BICC1: variants seen among roughly 807,000 people sequenced by gnomAD.
BICC1 encodes the protein protein bicaudal C homolog 1.
Under a neutral mutation model 111.0 loss-of-function variants are expected in BICC1, and 43 were observed. The ratio of observed to expected loss-of-function variants is 0.39; its 90% CI spans 0.30 to 0.50. The LOEUF (loss-of-function observed/expected upper bound fraction) is 0.50. BICC1 is among the 20% of genes least tolerant of loss of function. The pLI is 0.88. For missense variants in BICC1, 1,091 were observed against 1,203.2 expected (o/e 0.91, Z 1.38); for synonymous variants, 467 against 434.4 (o/e 1.07, Z -0.93).
Position 58,713,288 on chromosome 10 carries a change from T to A in BICC1, c.307+11145T>A, listed in dbSNP as rs975363933. 7.2e-5 allele frequency among the ~76,000 whole-genome samples: 11 copies of A among 152,330 alleles called. No homozygotes were observed. The South Asian group carries it at 2.3e-3, about 32-fold the overall frequency. ...TCAATCTTCCTGTTTCCAGAACAGATGCTTTTTATGTCCTCTTGCCTGTGG... is the reference window on the plus strand; with the variant it reads ...TCAATCTTCCTGTTTCCAGAACAGAAGCTTTTTATGTCCTCTTGCCTGTGG... On this transcript the variant is annotated intron_variant, in intron 3 of 20. Transcript: ENST00000373886.
At position 58,683,691 on chromosome 10, in the gene BICC1, G is replaced by A. The variant is rs915595778; in HGVS notation, c.238-18383G>A. 5.3e-5 allele frequency among the ~76,000 whole-genome samples: 8 copies of A among 152,132 alleles called. No individual in the cohort carries two copies. The East Asian group carries it at 7.7e-4, about 15-fold the overall frequency. On this transcript the variant is annotated intron_variant, in intron 2 of 20. Coordinates refer to ENST00000373886, the MANE Select transcript of BICC1 (RefSeq NM_001080512.3). ...ATTTGGCTGTCTGTCTGTTATTGGT[G>A]TATAGGAGTGCTTGTGATTTTGCAC...
intron 3 of BICC1, among the ~76,000 whole-genome samples, chr10:58,765,300 C>T (rs543469881): frequency 1.2e-3 from 84 of 71,046 alleles, no homozygotes; most frequent in African/African-American, 3.0e-3. Context: ...AGGCCATCCA[C>T]CCACCTCAGC....
At chr10:58,619,944 G>T (rs149997239) in intron 1 of BICC1, among the ~76,000 whole-genome samples, 1 of 152,110 alleles carries the variant, frequency 6.6e-6, no homozygotes, top group Admixed American at 6.6e-5. Context: ...TTGGTTTACC[G>T]TGGTCTTCCA....
At chr10:58,608,341 T>C (rs920521793) in intron 1 of BICC1, among the ~76,000 whole-genome samples, 5 of 152,042 alleles carry the variant, frequency 3.3e-5, no homozygotes, top group African/African-American at 4.8e-5. Flanking sequence ...ACTGGAGAGC[T>C]CCCCTTCCTC....
intron 3 of BICC1, among the ~76,000 whole-genome samples, chr10:58,719,992 G>A (rs1399934960): frequency 3.3e-5 from 5 of 152,114 alleles, no homozygotes; most frequent in Admixed American, 2.6e-4. Flanking sequence ...AACTACAAAA[G>A]TAATTAAACA....
chr10:58,676,568 C>G (rs1278038744), intron 2 of BICC1, among the ~76,000 whole-genome samples: 1 of 152,184 alleles, frequency 6.6e-6, no homozygotes, highest in East Asian at 1.9e-4. Flanking sequence ...AGCTAAAACT[C>G]TCATCTCCCT....
intron 1 of BICC1, among the ~76,000 whole-genome samples, chr10:58,515,502 C>T (rs935691380): frequency 1.3e-5 from 2 of 152,136 alleles, no homozygotes; most frequent in East Asian, 3.8e-4. Context: ...ATTTGTGTAT[C>T]TAAATATATC....
intron 2 of BICC1, among the ~76,000 whole-genome samples, chr10:58,651,947 C>T (rs1838462325): frequency 6.6e-6 from 1 of 151,936 alleles, no homozygotes; most frequent in Admixed American, 6.6e-5. Context: ...GTTAATTGCT[C>T]AATAGACCTT....
chr10:58,806,926 A>G (rs1843726436), intron 16 of BICC1, 78 bp from the exon 17 acceptor site: 1 of 1,330,736 alleles, frequency 7.5e-7, no homozygotes, highest in Non-Finnish European at 1.0e-6. Flanking sequence ...TATATCAAAG[A>G]AACGACACTT....
chr10:58,585,213 A>G (rs1277989534), intron 1 of BICC1, among the ~76,000 whole-genome samples: 1 of 152,072 alleles, frequency 6.6e-6, no homozygotes, highest in African/African-American at 2.4e-5. Context: ...AAAGTTGTTT[A>G]CTTTGGCAAG....
intron 1 of BICC1, among the ~76,000 whole-genome samples, chr10:58,588,201 C>G (rs1009676474): frequency 1.3e-5 from 2 of 152,136 alleles, no homozygotes; most frequent in Non-Finnish European, 2.9e-5. Context: ...GACCCCTGCC[C>G]CTTTTATTTA....
chr10:58,620,395 G>T (rs1171118334), intron 1 of BICC1, among the ~76,000 whole-genome samples: 1 of 151,874 alleles, frequency 6.6e-6, no homozygotes, highest in Non-Finnish European at 1.5e-5. Context: ...AGTATATGAT[G>T]CCAGCTGAAA....
At chr10:58,552,760 T>C (rs1373661663) in intron 1 of BICC1, among the ~76,000 whole-genome samples, 1 of 152,162 alleles carries the variant, frequency 6.6e-6, no homozygotes, top group Non-Finnish European at 1.5e-5. Context: ...ATAATTTCTC[T>C]AGGTCTCAGT....
intron 3 of BICC1, among the ~76,000 whole-genome samples, chr10:58,709,786 GTGGTTC>G (rs971372499): frequency 2.3e-4 from 35 of 152,292 alleles, no homozygotes; most frequent in African/African-American, 7.9e-4. Context: ...ACCTTCTTTA[GTGGTTC>G]TGAATAGTCC....
Position 58,732,687 on chromosome 10 carries a change from G to A in BICC1, c.307+30544G>A, listed in dbSNP as rs535672188. Among the ~76,000 whole-genome samples, 4 of 151,648 alleles carry A rather than the reference G, an allele frequency of 2.6e-5. No homozygotes were observed. In the South Asian group the frequency reaches 8.3e-4, roughly 32 times the overall value. ...TCCCAACTACTTGGGAGCCTGAGGT[G>A]GGAGGATTGCTTGAGCCCAGGAGGT... On this transcript the variant is annotated intron_variant, in intron 3 of 20. Coordinates refer to ENST00000373886, the MANE Select transcript of BICC1 (RefSeq NM_001080512.3).
chr10:58,685,276 T>A (rs187848372), intron 2 of BICC1, among the ~76,000 whole-genome samples: 136 of 152,246 alleles, frequency 8.9e-4, no homozygotes, highest in African/African-American at 3.1e-3. Context: ...TGCTGAGGAG[T>A]GCTTTACTTC....
At chr10:58,516,306 G>A (rs1842240021) in intron 1 of BICC1, among the ~76,000 whole-genome samples, 1 of 152,098 alleles carries the variant, frequency 6.6e-6, no homozygotes, top group African/African-American at 2.4e-5. Context: ...TTAATGAGTT[G>A]TATTTTTATT....
At chr10:58,763,130 G>A (rs1466815417) in intron 3 of BICC1, among the ~76,000 whole-genome samples, 1 of 152,154 alleles carries the variant, frequency 6.6e-6, no homozygotes, top group Non-Finnish European at 1.5e-5. Context: ...AGTTCTGTCA[G>A]ATCCTCAAAA....
chr10:58,804,505 G>A (rs1306602898), intron 15 of BICC1, among the ~76,000 whole-genome samples: 3 of 152,098 alleles, frequency 2.0e-5, no homozygotes, highest in South Asian at 2.1e-4. Context: ...GAGAGAGAGC[G>A]AGACCCTGTC....
Sources: gnomAD v4.1 joint callset for allele counts (sites outside exome capture counted in the v4.1 genomes callset) on GRCh38, gnomAD v4.1.1 for gene constraint, MANE v1.5 for transcripts, NCBI Gene and HGNC (gene_info 2026-07-23, HGNC 2026-07-21) for gene names.